RGPD1: variants seen among roughly 807,000 people sequenced by gnomAD.
The protein encoded by RGPD1 is RANBP2 like and GRIP domain containing 1.
Under a neutral mutation model 40.6 loss-of-function variants are expected in RGPD1, and 7 were observed. That is an observed-to-expected ratio of 0.17 (90% CI 0.10 to 0.32). RGPD1 has a LOEUF of 0.32. Ranked by LOEUF, RGPD1 falls within the 10% of genes least tolerant of loss-of-function variation. RGPD1 has a pLI of 1.00. For synonymous variants in RGPD1, 24 were observed against 167.0 expected (o/e 0.14, Z 6.60); for missense variants, 50 against 472.5 (o/e 0.11, Z 8.29).
upstream of RGPD1, among the ~76,000 whole-genome samples, chr2:86,938,627 A>T (rs62148277): frequency 0.057 from 8,553 of 149,246 alleles, 50 homozygotes; most frequent in Non-Finnish European, 0.084. Context: ...AATAAATAAA[A>T]AGAATTCCTT....
upstream of RGPD1, among the ~76,000 whole-genome samples, chr2:86,942,007 C>T (rs1254277922): frequency 2.6e-5 from 4 of 151,920 alleles, no homozygotes; most frequent in Middle Eastern, 3.4e-3. Context: ...CCACGGCGCC[C>T]GGCGGGCAAG....
intron 1 of RGPD1, among the ~76,000 whole-genome samples, chr2:86,930,007 G>A (rs1291747524): frequency 3.5e-5 from 5 of 144,090 alleles, no homozygotes; most frequent in African/African-American, 7.5e-5. Flanking sequence ...CAGTGCACAC[G>A]GGGAGTAGTC....
intron 7 of RGPD1, among the ~76,000 whole-genome samples, chr2:86,963,843 G>C: frequency 8.1e-6 from 1 of 123,284 alleles, no homozygotes; most frequent in Non-Finnish European, 1.6e-5. Context: ...GGGTTCAAGT[G>C]ATTCTCCTGC....
exon 1 of RGPD1, chr2:86,913,907 C>T (rs746503271): frequency 1.9e-6 from 3 of 1,548,606 alleles, no homozygotes; most frequent in South Asian, 1.2e-5. Flanking sequence ...GGGCTCCGCC[C>T]CGTCGCCTGG....
intron 1 of RGPD1, among the ~76,000 whole-genome samples, chr2:86,924,251 G>A (rs987817965): frequency 2.6e-5 from 4 of 152,076 alleles, no homozygotes; most frequent in Non-Finnish European, 5.9e-5. Flanking sequence ...TGACTCCCAA[G>A]TTCAGGCAGT....
chr2:86,914,525 G>C (rs1398703956), intron 1 of RGPD1, among the ~76,000 whole-genome samples: 3 of 38,494 alleles, frequency 7.8e-5, no homozygotes, highest in Non-Finnish European at 1.5e-4. Context: ...CGGCGGCGGC[G>C]GCGGCCTCGG....
At chr2:86,993,285 G>T (rs1681704100) in intron 20 of RGPD1, among the ~76,000 whole-genome samples, 2 of 147,298 alleles carry the variant, frequency 1.4e-5, no homozygotes, top group African/African-American at 4.9e-5. Context: ...TGATTACGGA[G>T]TCTGTGTCTT....
At chr2:86,925,276 T>A (rs936491576) in intron 1 of RGPD1, among the ~76,000 whole-genome samples, 5 of 151,420 alleles carry the variant, frequency 3.3e-5, no homozygotes, top group African/African-American at 1.2e-4. Flanking sequence ...TTTATTTTAT[T>A]TTATTTTTGA....
upstream of RGPD1, among the ~76,000 whole-genome samples, chr2:86,939,765 TTCTC>T (rs1200194534): frequency 9.4e-6 from 1 of 106,602 alleles, no homozygotes; most frequent in African/African-American, 3.9e-5. Context: ...GACAGGGTCT[TTCTC>T]TGTCACCTAA....
chr2:86,930,549 A>T, intron 1 of RGPD1: 1 of 1,578,212 alleles, frequency 6.3e-7, no homozygotes, highest in Middle Eastern at 2.3e-4. Flanking sequence ...ACAGCAGCTA[A>T]AGAGGATGAG....
chr2:86,931,302 T>A (rs1261419580), intron 1 of RGPD1, among the ~76,000 whole-genome samples: 1 of 151,822 alleles, frequency 6.6e-6, no homozygotes, highest in Non-Finnish European at 1.5e-5. Flanking sequence ...GTAGATATAT[T>A]TCTTTTCATT....
intron 1 of RGPD1, among the ~76,000 whole-genome samples, chr2:86,929,573 CTAT>C (rs1049160137): frequency 1.3e-5 from 2 of 148,748 alleles, no homozygotes; most frequent in Admixed American, 6.7e-5. Context: ...GAAATAGGTC[CTAT>C]TATTAGGCGC....
At position 86,942,187 on chromosome 2, in the gene RGPD1, C is replaced by T. The variant is rs1378149104; in HGVS notation, c.-50C>T. 18 of 1,555,888 alleles carry T rather than the reference C, an allele frequency of 1.2e-5. No individual in the cohort carries two copies. Among genetic ancestry groups the T allele is most frequent in the Middle Eastern group, 2.3e-4 (1 of 4,332 alleles). On this transcript the variant is annotated 5_prime_UTR_variant, in exon 1 of 23. Coordinates refer to ENST00000641458, the MANE Select transcript of RGPD1 (RefSeq NM_001382344.1). ...TTCCTGTTGGAATTGGCGACTGCTG[C>T]GGGGCTGAGCGCTGGTTTCACGCGT...
upstream of RGPD1, among the ~76,000 whole-genome samples, chr2:86,939,661 TTAA>T (rs1356619605): frequency 4.9e-3 from 665 of 136,506 alleles, 6 homozygotes; most frequent in African/African-American, 0.017. Context: ...CATAAATGAA[TTAA>T]TGATACCATT....
chr2:86,914,217 C>T (rs1313947998), intron 1 of RGPD1, among the ~76,000 whole-genome samples: 2 of 99,842 alleles, frequency 2.0e-5, no homozygotes, highest in Non-Finnish European at 4.1e-5. Flanking sequence ...CGGGCGGCGG[C>T]GGCGGCCTCG....
chr2:86,923,162 C>G (rs1419971754), intron 1 of RGPD1, among the ~76,000 whole-genome samples: 6 of 147,920 alleles, frequency 4.1e-5, no homozygotes, highest in Non-Finnish European at 1.5e-5. Flanking sequence ...TCTCAGCCTC[C>G]TGAATAGCTG....
In RGPD1 at chr2:87,013,484, C is replaced by T. The variant is rs2104872788; in HGVS notation, c.*937C>T. ...TATAAAATGAGATCACTTGATGATA[C>T]ATGGATACATGTTACATACATGATG... On this transcript the variant is annotated 3_prime_UTR_variant, in exon 23 of 23. Transcript: ENST00000641458. The T allele has an allele frequency of 6.6e-6, 1 of 150,690 alleles. No individual in the cohort carries two copies. The highest frequency in any genetic ancestry group is 1.3e-5 in the Non-Finnish European group (1 of 76,504). 9.3% of individuals were successfully genotyped at this position (150,690 alleles called of 1,614,324 possible).
At chr2:86,944,693 G>A (rs538392862) in intron 1 of RGPD1, among the ~76,000 whole-genome samples, 27 of 151,932 alleles carry the variant, frequency 1.8e-4, no homozygotes, top group Non-Finnish European at 2.2e-4. Flanking sequence ...GATTATAGGC[G>A]TGAGCCACTG....
rs1429725608 is a variant in RGPD1 at position 86,914,474 on chromosome 2, GCCT to G, written c.72+555_72+557del. On this transcript the variant is annotated intron_variant, in intron 1 of 22. Transcript: ENST00000398193. ...GGCGGCGGCGGCGGCGGCGGCGGCG[GCCT>G]CGGCCTCGGCCTGGCCGGGCTGCGG... Among the ~76,000 whole-genome samples, 5 of 7,124 alleles carry G rather than the reference GCCT, an allele frequency of 7.0e-4. 1 individual carries two copies. The highest frequency in any genetic ancestry group is 2.6e-3 in the African/African-American group (1 of 390). 4.7% of individuals were successfully genotyped at this position (7,124 alleles called of 152,430 possible).
Sources: allele counts gnomAD v4.1 joint callset (sites outside exome capture counted in the v4.1 genomes callset), GRCh38; gene constraint gnomAD v4.1.1; transcripts MANE v1.5; gene names NCBI Gene and HGNC (gene_info 2026-07-23, HGNC 2026-07-21).